EIF2AK4: variants seen among roughly 807,000 people sequenced by gnomAD.
EIF2AK4 encodes the protein eIF-2-alpha kinase GCN2.
A neutral mutation model predicts 211.1 loss-of-function variants in EIF2AK4; 139 were observed. That is an observed-to-expected ratio of 0.66 (90% CI 0.57 to 0.76). The LOEUF is 0.76. Among genes scored for constraint, EIF2AK4 ranks in the 30% least tolerant of loss-of-function variants. The pLI is 0.00. For missense variants in EIF2AK4, 1,664 were observed against 2,043.8 expected (o/e 0.81, Z 3.58); for synonymous variants, 710 against 751.3 (o/e 0.94, Z 0.90).
rs747882672 is a variant in EIF2AK4, at chr15:39,976,633, C to T, written c.2038C>T (p.Arg680Ter). The change falls in exon 12 of 39, where the codon CGA becomes TGA. Residue 680 changes from arginine to a stop codon, truncating the protein, a stop_gained. Coordinates refer to ENST00000263791, the MANE Select transcript of EIF2AK4 (RefSeq NM_001013703.4). LOFTEE classifies it high-confidence loss of function. ...PDSGPLAKDD[R>*]AARGQPASDT... ...CTCCGGGCCCCTGGCCAAGGATGAC[C>T]GAGCTGCACGCGGGCAGCCGGCGAG... 1 of 1,604,864 alleles carries T rather than the reference C, an allele frequency of 6.2e-7. No homozygotes were observed. Among genetic ancestry groups the T allele is most frequent in the Admixed American group, 1.7e-5 (1 of 59,490 alleles).
In EIF2AK4 at chr15:39,934,206, G is replaced by C. The variant is rs780175001; in HGVS notation, c.11G>C (p.Gly4Ala). ...GGGCGCAGCGCTGCCATGGCTGGGG[G>C]CCGTGGGGCCCCCGGGCGCGGCCGG... MAG[G>A]RGAPGRGRDE... The change falls in exon 1 of 39, where the codon GGC (glycine) becomes GCC (alanine). Residue 4 changes from glycine to alanine, a missense_variant. Gly to Ala is a moderately conservative substitution (Grantham distance 60, BLOSUM62 0). Around this residue, in one of 7 missense-constraint regions of EIF2AK4, gnomAD observed 641 missense variants for 729.6 expected, o/e 0.88. Transcript: ENST00000263791. The C allele has an allele frequency of 6.2e-5, 98 of 1,569,786 alleles. No homozygotes were observed. Among genetic ancestry groups the C allele is most frequent in the Middle Eastern group, 3.4e-4 (2 of 5,942 alleles).
Position 40,029,433 on chromosome 15 carries a change from A to G in EIF2AK4, c.4530A>G (p.Gln1510=), listed in dbSNP as rs756038599. The change falls in exon 34 of 39, where the codon CAA becomes CAG. Residue 1510 remains glutamine (Q), a synonymous_variant. Transcript: ENST00000263791. ...AAGCTTCCGATAATCTTGCAGTGCA[A>G]AATCTGAAGGGGTCATTTTCTAATG... ...GREASDNLAV[Q]NLKGSFSNAS... is the part of the protein sequence containing the mutation. 2.5e-6 allele frequency: 4 copies of G among 1,613,082 alleles called. No individual in the cohort carries two copies. The African/African-American group carries it at 4.0e-5, about 16-fold the overall frequency.
At chr15:40,014,440 G>A (rs984734458) in intron 27 of EIF2AK4, among the ~76,000 whole-genome samples, 4 of 152,372 alleles carry the variant, frequency 2.6e-5, no homozygotes, top group Admixed American at 2.6e-4. Context: ...AGGCTCAACA[G>A]CACATGGAAG....
At chr15:39,978,263 A>G (rs572884735) in intron 13 of EIF2AK4, 116 bp downstream of exon 13, 1 of 476,422 alleles carries the variant, frequency 2.1e-6, no homozygotes, top group African/African-American at 2.0e-5. Flanking sequence ...TAGAAACCAT[A>G]AATTTTAAAA....
intron 11 of EIF2AK4, 135 bp from the exon 12 acceptor site, chr15:39,976,279 A>T: frequency 1.1e-6 from 1 of 870,114 alleles, no homozygotes; most frequent in Non-Finnish European, 1.6e-6. Context: ...TAAGAATTTC[A>T]GGCATGTGGT....
At chr15:40,002,853 C>A (rs1423182469) in intron 22 of EIF2AK4, 65 bp downstream of exon 22, 2 of 1,541,326 alleles carry the variant, frequency 1.3e-6, no homozygotes, top group Non-Finnish European at 1.8e-6. Flanking sequence ...TTAGAAAGTA[C>A]TGTTAGTGTT....
At chr15:40,022,383 A>G (rs2035403286) in intron 31 of EIF2AK4, 136 bp from the exon 32 acceptor site, 2 of 688,578 alleles carry the variant, frequency 2.9e-6, no homozygotes, top group Non-Finnish European at 4.7e-6. Context: ...CTTAATATTT[A>G]TATCCCCCTG....
intron 33 of EIF2AK4, among the ~76,000 whole-genome samples, chr15:40,027,089 C>T (rs1324455076): frequency 6.6e-6 from 1 of 152,048 alleles, no homozygotes; most frequent in Non-Finnish European, 1.5e-5. Flanking sequence ...ACAATAACCC[C>T]ATTACATGCT....
chr15:39,984,050 G>A (rs979152628), intron 13 of EIF2AK4, among the ~76,000 whole-genome samples: 3 of 152,050 alleles, frequency 2.0e-5, no homozygotes, highest in Non-Finnish European at 2.9e-5. Context: ...GAAGGGATTT[G>A]GTTTCAGCTT....
rs749411104 is a variant in EIF2AK4 at position 40,032,252 on chromosome 15, T to G, written c.4728+15T>G. On this transcript the variant is annotated intron_variant, in intron 36 of 38. Transcript: ENST00000263791. ...AAATTCTGGCTGTAAGTGGCTTTCT[T>G]TAGTATTTTGAAGGTGGCTTCTGTC... 1.9e-6 allele frequency: 3 copies of G among 1,613,174 alleles called. No homozygotes were observed. The highest frequency in any genetic ancestry group is 1.7e-6 in the Non-Finnish European group (2 of 1,179,082).
chr15:39,966,113 C>T (rs773984346), intron 8 of EIF2AK4, among the ~76,000 whole-genome samples: 2 of 152,158 alleles, frequency 1.3e-5, no homozygotes, highest in Non-Finnish European at 2.9e-5. Flanking sequence ...ATCTTTCCAA[C>T]TGGGACTAAA....
intron 7 of EIF2AK4, among the ~76,000 whole-genome samples, chr15:39,965,335 G>A (rs1304034713): frequency 6.6e-6 from 1 of 152,098 alleles, no homozygotes; most frequent in Non-Finnish European, 1.5e-5. Context: ...TGTTGTCCAG[G>A]CTGGTCTCGA....
intron 1 of EIF2AK4, among the ~76,000 whole-genome samples, chr15:39,935,078 TTA>T (rs2034044560): frequency 6.6e-6 from 1 of 152,196 alleles, no homozygotes; most frequent in East Asian, 1.9e-4. Flanking sequence ...CCTCAATGTT[TTA>T]AGAAAGTTTA....
chr15:39,946,917 A>T (rs2034236144), intron 3 of EIF2AK4: 2 of 453,790 alleles, frequency 4.4e-6, no homozygotes, highest in African/African-American at 4.0e-5. Flanking sequence ...TTCTACAGAC[A>T]TAATGCTATT....
In EIF2AK4 at chr15:40,034,462, C is replaced by T. The variant is rs1417887068; in HGVS notation, c.4892+18C>T. ...GAAAAAAAGTAAGTTATCACTTGGG[C>T]ATAGCAGGGTTCACATGGTTAAAAT... On this transcript the variant is annotated intron_variant, in intron 38 of 38. Transcript: ENST00000263791. 1.3e-6 allele frequency: 2 copies of T among 1,584,400 alleles called. No individual in the cohort carries two copies. The highest frequency in any genetic ancestry group is 2.7e-5 in the African/African-American group (2 of 74,256).
rs1240635125 is a variant in EIF2AK4 at position 40,035,158 on chromosome 15, A to G, written c.*74A>G. ...TGGAATAATGGAATGTTGTACATTC[A>G]TCATAATTTAAAATTAAATTCTAAG... On this transcript the variant is annotated 3_prime_UTR_variant, in exon 39 of 39. Coordinates refer to ENST00000263791, the MANE Select transcript of EIF2AK4 (RefSeq NM_001013703.4). 25 of 1,150,842 alleles carry G rather than the reference A, an allele frequency of 2.2e-5. No individual in the cohort carries two copies. Among genetic ancestry groups the G allele is most frequent in the Non-Finnish European group, 2.9e-5 (24 of 836,278 alleles). 71.3% of individuals were successfully genotyped at this position (1,150,842 alleles called of 1,614,324 possible). A position where few individuals can be genotyped will look rare whatever the true frequency, so the allele number is the denominator to read the frequency against.
At chr15:39,955,243 C>T (rs746125013) in intron 5 of EIF2AK4, among the ~76,000 whole-genome samples, 2 of 152,148 alleles carry the variant, frequency 1.3e-5, no homozygotes, top group Non-Finnish European at 2.9e-5. Context: ...TTCTTGAAAC[C>T]ATAACCTGGA....
At chr15:39,946,251 C>T (rs758443546) in intron 3 of EIF2AK4, among the ~76,000 whole-genome samples, 1 of 152,196 alleles carries the variant, frequency 6.6e-6, no homozygotes, top group South Asian at 2.1e-4. Context: ...CCATTAAATA[C>T]ATGATTCATG....
chr15:40,032,622 A>AT (rs2035558644), intron 36 of EIF2AK4, 135 bp from the exon 37 acceptor site: 2 of 744,446 alleles, frequency 2.7e-6, no homozygotes, highest in Admixed American at 5.4e-5. Context: ...TGCACAGTTC[A>AT]TTAAGCCCTT....
Sources: allele counts gnomAD v4.1 joint callset (sites outside exome capture counted in the v4.1 genomes callset), GRCh38; gene constraint gnomAD v4.1.1; regional missense constraint gnomAD v4.1.1; transcripts MANE v1.5; gene names NCBI Gene and HGNC (gene_info 2026-07-23, HGNC 2026-07-21).